Variants in PPP4R3A observed in about 807,000 individuals in gnomAD.
The protein encoded by PPP4R3A is protein phosphatase 4 regulatory subunit 3A, also known as serine/threonine-protein phosphatase 4 regulatory subunit 3A.
In PPP4R3A, 15 loss-of-function variants were observed where a neutral mutation model predicts 91.7. That is an observed-to-expected ratio of 0.16 (90% confidence interval 0.11 to 0.25). The LOEUF (loss-of-function observed/expected upper bound fraction) is 0.25. PPP4R3A is among the 10% of genes least tolerant of loss of function. The pLI is 1.00. For missense variants in PPP4R3A, 623 were observed against 998.4 expected, an observed-to-expected ratio of 0.62 and a Z score of 5.07; for synonymous variants, 377 against 348.7, an observed-to-expected ratio of 1.08 and a Z score of -0.91.
intron 4 of PPP4R3A, among the ~76,000 whole-genome samples, chr14:91,478,192 G>A (rs185277905): frequency 5.3e-5 from 8 of 152,270 alleles, no homozygotes; most frequent in Non-Finnish European, 8.8e-5. Context: ...ATATGATCTT[G>A]ACCATGTTTG....
chr14:91,469,116 TAAAAAAA>T (rs34445337), intron 10 of PPP4R3A, among the ~76,000 whole-genome samples: 7 of 133,158 alleles, frequency 5.3e-5, no homozygotes, highest in Non-Finnish European at 6.2e-5. Flanking sequence ...ATTTTTTCTG[TAAAAAAA>T]AAAAAAAAAA....
chr14:91,479,872 C>T (rs533504689), intron 4 of PPP4R3A, among the ~76,000 whole-genome samples: 82 of 152,244 alleles, frequency 5.4e-4, no homozygotes, highest in Non-Finnish European at 9.6e-4. Context: ...TGGGTTCAAT[C>T]GATCCTCCTG....
intron 10 of PPP4R3A, among the ~76,000 whole-genome samples, chr14:91,468,224 C>G (rs1308147676): frequency 6.6e-6 from 1 of 152,112 alleles, no homozygotes; most frequent in Non-Finnish European, 1.5e-5. Context: ...TAGTTTCCAA[C>G]AATAAACTTT....
intron 1 of PPP4R3A, among the ~76,000 whole-genome samples, chr14:91,498,640 C>T (rs532013293): frequency 3.2e-4 from 49 of 151,334 alleles, no homozygotes; most frequent in South Asian, 1.3e-3. Flanking sequence ...TTTGGCTGGG[C>T]GCAGTGGCTC....
intron 1 of PPP4R3A, among the ~76,000 whole-genome samples, chr14:91,496,946 A>G (rs1465449075): frequency 9.0e-6 from 1 of 111,148 alleles, no homozygotes; most frequent in Non-Finnish European, 1.9e-5. Context: ...TTCAGTGTTA[A>G]TATCAATTAA....
intron 1 of PPP4R3A, among the ~76,000 whole-genome samples, chr14:91,499,975 G>A (rs962689034): frequency 6.6e-6 from 1 of 152,108 alleles, no homozygotes; most frequent in Non-Finnish European, 1.5e-5. Context: ...AAGATGGCTG[G>A]TAGTACAGAG....
chr14:91,466,624 A>G (rs1395224442), intron 10 of PPP4R3A, among the ~76,000 whole-genome samples: 4 of 152,190 alleles, frequency 2.6e-5, no homozygotes, highest in Non-Finnish European at 5.9e-5. Context: ...TATTTTTTAA[A>G]CTACTGAATA....
intron 1 of PPP4R3A, among the ~76,000 whole-genome samples, chr14:91,493,560 G>A (rs558459899): frequency 1.3e-5 from 2 of 150,386 alleles, no homozygotes; most frequent in Admixed American, 6.6e-5. Flanking sequence ...TTGGGAGGTC[G>A]AGATGGGAGG....
intron 4 of PPP4R3A, among the ~76,000 whole-genome samples, chr14:91,478,620 A>C (rs921336303): frequency 2.0e-5 from 3 of 152,254 alleles, no homozygotes; most frequent in Admixed American, 6.5e-5. Flanking sequence ...TAAAACTGGC[A>C]TTTTACATGT....
rs60663799 is a variant in PPP4R3A at position 91,495,302 on chromosome 14, A to ATGTG, written c.143-4504_143-4501dup. Among the ~76,000 whole-genome samples the ATGTG allele has an allele frequency of 5.3e-3, 750 of 140,958 alleles. 4 individuals are homozygous for ATGTG. Among genetic ancestry groups the ATGTG allele is most frequent in the Non-Finnish European group, 6.3e-3 (416 of 66,170 alleles). 92.5% of individuals were successfully genotyped at this position (140,958 alleles called of 152,430 possible). ...AAAATACCACATGTCCAGATACATA[A>ATGTG]TGTGTGTGTGTGTGTGTGTGTGTAT... is the stretch of plus-strand genomic sequence containing the variant. On this transcript the variant is annotated intron_variant, in intron 1 of 14. Coordinates refer to ENST00000554943, the MANE Select transcript of PPP4R3A (RefSeq NM_001366432.2).
chr14:91,468,646 C>T (rs75507821), intron 10 of PPP4R3A, among the ~76,000 whole-genome samples: 6 of 99,842 alleles, frequency 6.0e-5, no homozygotes, highest in African/African-American at 1.3e-4. Context: ...CCAGCCAAGG[C>T]GACAGAGTGA....
At position 91,476,935 on chromosome 14, in the gene PPP4R3A, T is replaced by C. The variant is rs1386506625; in HGVS notation, c.967A>G (p.Thr323Ala). 3.7e-6 allele frequency: 6 copies of C among 1,601,350 alleles called. No homozygotes were observed. The highest frequency in any genetic ancestry group is 3.4e-5 in the Admixed American group (2 of 58,232). The change falls in exon 5 of 15, where the codon ACA (threonine) becomes GCA (alanine). Residue 323 changes from threonine (T) to alanine (A), a missense_variant. Physicochemically the swap from Thr to Ala is moderately conservative, Grantham distance 58. Coordinates refer to ENST00000554943, the MANE Select transcript of PPP4R3A (RefSeq NM_001366432.2). ...AATTCCTGTCTTTTTTCCTCATCTGTTGCTTCATCTGTTAGTTGTGCAAAC... is the reference window on the plus strand; with the variant it reads ...AATTCCTGTCTTTTTTCCTCATCTGCTGCTTCATCTGTTAGTTGTGCAAAC... ...DLFAQLTDEA[T>A]DEEKRQELVN...
chr14:91,501,879 T>C (rs1001527426), intron 1 of PPP4R3A, among the ~76,000 whole-genome samples: 14 of 147,420 alleles, frequency 9.5e-5, no homozygotes, highest in Non-Finnish European at 1.8e-4. Flanking sequence ...TAATTTTTTT[T>C]TTTTTTTTTT....
intron 1 of PPP4R3A, among the ~76,000 whole-genome samples, chr14:91,507,420 A>ATATATACTATATAG: frequency 1.3e-5 from 1 of 79,750 alleles, no homozygotes; most frequent in East Asian, 3.5e-4. Context: ...ATACTATATA[A>ATATATACTATATAG]TATATATACT....
At chr14:91,499,432 A>G (rs1030303941) in intron 1 of PPP4R3A, among the ~76,000 whole-genome samples, 1 of 152,160 alleles carries the variant, frequency 6.6e-6, no homozygotes, top group Non-Finnish European at 1.5e-5. Flanking sequence ...GTATCCTGAC[A>G]TTAATTGATG....
chr14:91,509,423 G>C, intron 1 of PPP4R3A, 83 bp downstream of exon 1: 2 of 1,517,954 alleles, frequency 1.3e-6, no homozygotes, highest in South Asian at 1.2e-5. Flanking sequence ...CTCGTGGAGC[G>C]AGCGCCATGC....
At chr14:91,468,411 G>A (rs558051752) in intron 10 of PPP4R3A, among the ~76,000 whole-genome samples, 3 of 152,130 alleles carry the variant, frequency 2.0e-5, no homozygotes, top group East Asian at 1.9e-4. Flanking sequence ...CATGGCTCAC[G>A]CCTGAATCCC....
rs374362643 is a variant in PPP4R3A, at chr14:91,457,654, A to G, written c.*1105T>C. ...TTTCTTTTTATTATTCAAAAGTCAAATGTTTTTAAATCATCCATCCTCAAT... is the reference window on the plus strand; with the variant it reads ...TTTCTTTTTATTATTCAAAAGTCAAGTGTTTTTAAATCATCCATCCTCAAT... On this transcript the variant is annotated 3_prime_UTR_variant, in exon 15 of 15. Coordinates refer to ENST00000554943, the MANE Select transcript of PPP4R3A (RefSeq NM_001366432.2). The G allele has an allele frequency of 1.5e-4, 23 of 152,740 alleles. No homozygotes were observed. The South Asian group carries it at 2.3e-3, about 15-fold the overall frequency. 9.5% of individuals were successfully genotyped at this position (152,740 alleles called of 1,614,324 possible). A position where few individuals can be genotyped will look rare whatever the true frequency, so the allele number is the denominator to read the frequency against.
intron 10 of PPP4R3A, among the ~76,000 whole-genome samples, chr14:91,468,264 C>T (rs1948397547): frequency 6.6e-6 from 1 of 152,152 alleles, no homozygotes; most frequent in African/African-American, 2.4e-5. Flanking sequence ...CTCCAAAGTT[C>T]TCATTAGATT....
Sources: allele counts gnomAD v4.1 joint callset (sites outside exome capture counted in the v4.1 genomes callset), GRCh38; gene constraint gnomAD v4.1.1; transcripts MANE v1.5; gene names NCBI Gene and HGNC (gene_info 2026-07-23, HGNC 2026-07-21).